The following SEMA3D variants were observed in gnomAD, a reference collection of about 807,000 sequenced individuals.
SEMA3D encodes semaphorin 3D, also known as semaphorin-3D.
Under a neutral mutation model 100.1 loss-of-function variants are expected in SEMA3D, and 84 were observed. The observed-to-expected ratio is 0.84, with a 90% CI of 0.70 to 1.01. SEMA3D has a LOEUF of 1.01. Among genes scored for constraint, SEMA3D ranks in the 50% least tolerant of loss-of-function variants. SEMA3D has a pLI of 0.00. For missense variants in SEMA3D, 875 were observed against 934.1 expected (o/e 0.94, Z 0.82); for synonymous variants, 312 against 320.7 (o/e 0.97, Z 0.29).
At chr7:85,011,455 G>C (rs1331596380) in intron 17 of SEMA3D, among the ~76,000 whole-genome samples, 1 of 151,840 alleles carries the variant, frequency 6.6e-6, no homozygotes, top group Admixed American at 6.6e-5. Context: ...CAGCAACTAC[G>C]TTTTGTATCA....
At chr7:85,073,441 C>G (rs10253498) in intron 5 of SEMA3D, among the ~76,000 whole-genome samples, 42,887 of 151,034 alleles carry the variant, frequency 0.28, 10,367 homozygotes, top group African/African-American at 0.67. Context: ...TTAGAGATGA[C>G]ACCTCTCTAT....
At chr7:85,246,398 A>G in the SEMA3D span, among the ~76,000 whole-genome samples, 98 of 152,218 alleles carry the variant, frequency 6.4e-4, no homozygotes, top group African/African-American at 2.2e-3. Flanking sequence ...GAGGCCCTCA[A>G]TAACTTCATC....
At chr7:85,047,246 A>T (rs1216230394) in intron 9 of SEMA3D, among the ~76,000 whole-genome samples, 1 of 151,986 alleles carries the variant, frequency 6.6e-6, no homozygotes, top group African/African-American at 2.4e-5. Flanking sequence ...ATTTGATTGT[A>T]TGATGGTTGC....
Position 85,022,474 on chromosome 7 carries a change from TTGA to T in SEMA3D, c.1328_1330del (p.Ile443del). ...TATCTGTGTCAGTCTGTAATCCACATTGATTCTCTTGAACGTTGGTCCTCCTGC... is the reference window on the plus strand; with the variant it reads ...TATCTGTGTCAGTCTGTAATCCACATTTCTCTTGAACGTTGGTCCTCCTGC... On this transcript the variant is annotated inframe_deletion, in exon 13 of 19. Coordinates refer to ENST00000284136, the MANE Select transcript of SEMA3D (RefSeq NM_001384900.1). 1 of 1,612,652 alleles carries T rather than the reference TTGA, an allele frequency of 6.2e-7. No individual in the cohort carries two copies. The highest frequency in any genetic ancestry group is 8.5e-7 in the Non-Finnish European group (1 of 1,179,000).
chr7:85,011,621 T>C (rs972149510), intron 17 of SEMA3D, among the ~76,000 whole-genome samples: 2 of 151,788 alleles, frequency 1.3e-5, no homozygotes, highest in Non-Finnish European at 2.9e-5. Flanking sequence ...GTATCCTCAA[T>C]ACCTATAATC....
chr7:85,144,523 T>A, intron 2 of SEMA3D: 5 of 984,116 alleles, frequency 5.1e-6, no homozygotes, highest in Non-Finnish European at 6.0e-6. Context: ...TTTTTTGCCT[T>A]ATGCTTCATG....
chr7:85,089,820 A>T (rs944352778), intron 4 of SEMA3D, among the ~76,000 whole-genome samples: 1 of 152,030 alleles, frequency 6.6e-6, no homozygotes, highest in Non-Finnish European at 1.5e-5. Flanking sequence ...GAGCCCAAGA[A>T]GTTAAGGCTG....
chr7:85,012,903 A>G, intron 16 of SEMA3D, 57 bp from the exon 17 acceptor site: 3 of 1,356,894 alleles, frequency 2.2e-6, no homozygotes, highest in South Asian at 1.2e-5. Context: ...ATCATATAGA[A>G]AGGCTACATC....
the SEMA3D span, among the ~76,000 whole-genome samples, chr7:85,247,967 A>G: frequency 6.6e-6 from 1 of 152,106 alleles, no homozygotes; most frequent in African/African-American, 2.4e-5. Context: ...AATTTAGGTG[A>G]CATTGAGTAT....
intron 15 of SEMA3D, among the ~76,000 whole-genome samples, chr7:85,018,008 G>C (rs1010900929): frequency 6.6e-6 from 1 of 151,774 alleles, no homozygotes; most frequent in African/African-American, 2.4e-5. Flanking sequence ...GACTAGGAAA[G>C]TGAGTTCAGT....
chr7:85,217,001 T>C, the SEMA3D span, among the ~76,000 whole-genome samples: 1 of 152,136 alleles, frequency 6.6e-6, no homozygotes, highest in Non-Finnish European at 1.5e-5. Flanking sequence ...AAGCATTTTA[T>C]ATAAATGTTA....
At position 85,073,098 on chromosome 7, in the gene SEMA3D, T is replaced by A. The variant is rs375641656; in HGVS notation, c.376-17A>T. ...ACATTCTGTCTGTTGGGCACAAAAATTAAAAGCATTAACACACAATTCAGG... is the reference window on the plus strand; with the variant it reads ...ACATTCTGTCTGTTGGGCACAAAAAATAAAAGCATTAACACACAATTCAGG... On this transcript the variant is annotated splice_polypyrimidine_tract_variant and intron_variant, in intron 5 of 18. Coordinates refer to ENST00000284136, the MANE Select transcript of SEMA3D (RefSeq NM_001384900.1). The A allele has an allele frequency of 1.2e-6, 2 of 1,610,256 alleles. No individual in the cohort carries two copies. The highest frequency in any genetic ancestry group is 8.5e-7 in the Non-Finnish European group (1 of 1,178,614).
the SEMA3D span, among the ~76,000 whole-genome samples, chr7:85,237,383 T>C: frequency 0.11 from 17,264 of 152,152 alleles, 2,663 homozygotes; most frequent in African/African-American, 0.35. Context: ...TCCTATCCAC[T>C]GCTGTAGTAT....
chr7:85,048,696 T>C (rs1791076082), intron 9 of SEMA3D, among the ~76,000 whole-genome samples: 1 of 151,844 alleles, frequency 6.6e-6, no homozygotes, highest in Non-Finnish European at 1.5e-5. Context: ...CCTGGTTCAT[T>C]GGGATTTTTA....
the SEMA3D span, among the ~76,000 whole-genome samples, chr7:85,230,251 T>C: frequency 1.3e-5 from 2 of 152,222 alleles, no homozygotes; most frequent in African/African-American, 4.8e-5. Flanking sequence ...CAGAATCACA[T>C]GCCTCTGCTT....
At chr7:85,090,382 T>C (rs1788349465) in intron 4 of SEMA3D, among the ~76,000 whole-genome samples, 1 of 152,088 alleles carries the variant, frequency 6.6e-6, no homozygotes, top group African/African-American at 2.4e-5. Context: ...GAGTCGATTG[T>C]TTTAGCTCTG....
the SEMA3D span, among the ~76,000 whole-genome samples, chr7:85,247,335 C>T: frequency 6.6e-6 from 1 of 151,946 alleles, no homozygotes; most frequent in East Asian, 1.9e-4. Context: ...AAATAAATTT[C>T]AGGGTAATTC....
At chr7:85,086,979 A>G (rs1788235706) in intron 4 of SEMA3D, among the ~76,000 whole-genome samples, 1 of 152,184 alleles carries the variant, frequency 6.6e-6, no homozygotes, top group Admixed American at 6.6e-5. Flanking sequence ...AGTTAATATG[A>G]ACAATTTTGA....
chr7:85,146,077 G>A (rs1038058041), intron 2 of SEMA3D, among the ~76,000 whole-genome samples: 11 of 151,888 alleles, frequency 7.2e-5, no homozygotes, highest in Non-Finnish European at 4.4e-5. Flanking sequence ...TGGAGCTCAC[G>A]GATACAGAGG....
Sources: allele counts gnomAD v4.1 joint callset (sites outside exome capture counted in the v4.1 genomes callset), GRCh38; gene constraint gnomAD v4.1.1; transcripts MANE v1.5; gene names NCBI Gene and HGNC (gene_info 2026-07-23, HGNC 2026-07-21).